The following PALD1 variants were observed in gnomAD, a reference collection of about 807,000 sequenced individuals.
PALD1 encodes the protein paladin.
A neutral mutation model predicts 96.0 loss-of-function variants in PALD1; 57 were observed. That is an observed-to-expected ratio of 0.59 (90% CI 0.48 to 0.74). PALD1 has a LOEUF of 0.74. Ranked by LOEUF, PALD1 falls within the 30% of genes least tolerant of loss-of-function variation. The pLI is 0.00. For synonymous variants in PALD1, 464 were observed against 473.6 expected (o/e 0.98, Z 0.26); for missense variants, 1,063 against 1,143.7 (o/e 0.93, Z 1.02).
intron 4 of PALD1, among the ~76,000 whole-genome samples, chr10:70,530,796 C>T (rs1224610066): frequency 1.3e-5 from 2 of 152,112 alleles, no homozygotes; most frequent in Non-Finnish European, 2.9e-5. Flanking sequence ...CTCAAGGGGA[C>T]CATCTGCCCA....
chr10:70,547,464 C>T lies in PALD1; in HGVS notation c.2262+18C>T. 1 of 1,511,442 alleles carries T rather than the reference C, an allele frequency of 6.6e-7. No individual in the cohort carries two copies. Among genetic ancestry groups the T allele is most frequent in the East Asian group, 2.4e-5 (1 of 42,108 alleles). 93.6% of individuals were successfully genotyped at this position (1,511,442 alleles called of 1,614,324 possible). ...ACCGCCAGGTGAGCCCCCACCCCAC[C>T]CCACCCCACCCTGCCCCAGCCACCC... On this transcript the variant is annotated intron_variant, in intron 18 of 19. Transcript: ENST00000263563.
At chr10:70,461,756 A>G in the PALD1 span, among the ~76,000 whole-genome samples, 1 of 152,012 alleles carries the variant, frequency 6.6e-6, no homozygotes, top group Non-Finnish European at 1.5e-5. Flanking sequence ...TGCTTTTTTG[A>G]GATTTACGAC....
rs138315292 is a variant in PALD1 at position 70,481,210 on chromosome 10, G to A, written c.-30+2151G>A. Among the ~76,000 whole-genome samples the A allele has an allele frequency of 4.8e-3, 734 of 152,328 alleles. 12 individuals carry two copies. The highest frequency in any genetic ancestry group is 0.033 in the East Asian group (171 of 5,192). The stretch of plus-strand genomic sequence containing the variant: ...AATGGAGTTGGCTGTGAGCTCCTGG[G>A]GGGCACAGACACATATGCTTGCCAG... On this transcript the variant is annotated intron_variant, in intron 1 of 19. Coordinates refer to ENST00000263563, the MANE Select transcript of PALD1 (RefSeq NM_014431.3).
At chr10:70,548,827 TG>T (rs1847421670) in intron 18 of PALD1, among the ~76,000 whole-genome samples, 1 of 152,130 alleles carries the variant, frequency 6.6e-6, no homozygotes, top group Non-Finnish European at 1.5e-5. Context: ...AAAGGGTGGA[TG>T]CCTAGCTGGA....
At chr10:70,461,341 A>T in the PALD1 span, among the ~76,000 whole-genome samples, 16 of 152,226 alleles carry the variant, frequency 1.1e-4, no homozygotes, top group African/African-American at 3.6e-4. Flanking sequence ...GGAGTACCCC[A>T]AGTACTTACT....
intron 2 of PALD1, among the ~76,000 whole-genome samples, chr10:70,528,022 C>T (rs761320936): frequency 2.0e-5 from 3 of 150,390 alleles, no homozygotes; most frequent in Admixed American, 6.7e-5. Context: ...TGAGTGAGAA[C>T]ATGCGGTGTT....
At chr10:70,551,935 G>A (rs972783823) in intron 18 of PALD1, among the ~76,000 whole-genome samples, 3 of 152,220 alleles carry the variant, frequency 2.0e-5, no homozygotes, top group South Asian at 2.1e-4. Flanking sequence ...CCAACTCAGC[G>A]ATGATTTTAC....
At chr10:70,533,600 G>T (rs887705500) in intron 7 of PALD1, among the ~76,000 whole-genome samples, 6 of 152,176 alleles carry the variant, frequency 3.9e-5, no homozygotes, top group African/African-American at 1.4e-4. Context: ...GACATTTCCT[G>T]AGTCCTGGCG....
At chr10:70,478,438 C>T (rs1845863669), upstream of PALD1, among the ~76,000 whole-genome samples, 2 of 152,202 alleles carry the variant, frequency 1.3e-5, no homozygotes, top group South Asian at 4.1e-4. Context: ...GGGTGTGGCG[C>T]CCAGAGCGCT....
At chr10:70,464,245 C>T in the PALD1 span, among the ~76,000 whole-genome samples, 3 of 143,122 alleles carry the variant, frequency 2.1e-5, no homozygotes, top group Non-Finnish European at 3.0e-5. Flanking sequence ...GAGTTTCACT[C>T]TTGTTGCCTA....
intron 18 of PALD1, among the ~76,000 whole-genome samples, chr10:70,549,909 C>G (rs1465731997): frequency 6.6e-6 from 1 of 152,180 alleles, no homozygotes; most frequent in African/African-American, 2.4e-5. Flanking sequence ...TTACCCGCTC[C>G]CACCAGGTCA....
At position 70,540,507 on chromosome 10, in the gene PALD1, T is replaced by C. The variant is rs548513571; in HGVS notation, c.1909-595T>C. 6.6e-6 allele frequency among the ~76,000 whole-genome samples: 1 copy of C among 152,106 alleles called. No individual in the cohort carries two copies. Among genetic ancestry groups the C allele is most frequent in the Admixed American group, 6.6e-5 (1 of 15,266 alleles). ...GACGTGGATCCCTGTGTGGTGCGTG[T>C]GTCTGGCGTGTGTTGTAGGTGAGCC... is the stretch of plus-strand genomic sequence containing the variant. On this transcript the variant is annotated intron_variant, in intron 15 of 19. Coordinates refer to ENST00000263563, the MANE Select transcript of PALD1 (RefSeq NM_014431.3). The surrounding 1 kb of genome is among the most constrained non-coding windows in gnomAD (Gnocchi z 4.2).
upstream of PALD1, among the ~76,000 whole-genome samples, chr10:70,474,471 G>A (rs1232355391): frequency 6.6e-6 from 1 of 152,192 alleles, no homozygotes; most frequent in East Asian, 1.9e-4. Context: ...TGAGGCAGGA[G>A]AATTGCTTGA....
chr10:70,462,344 T>C, the PALD1 span, among the ~76,000 whole-genome samples: 3 of 152,260 alleles, frequency 2.0e-5, no homozygotes, highest in African/African-American at 7.2e-5. Context: ...GCGAGTTTCT[T>C]AACTAATCTA....
At chr10:70,462,077 G>C in the PALD1 span, among the ~76,000 whole-genome samples, 1 of 152,226 alleles carries the variant, frequency 6.6e-6, no homozygotes, top group South Asian at 2.1e-4. Context: ...GCAGGTGTGA[G>C]CCACCACCCT....
intron 1 of PALD1, among the ~76,000 whole-genome samples, chr10:70,512,250 G>A (rs1463637708): frequency 6.6e-6 from 1 of 152,240 alleles, no homozygotes; most frequent in African/African-American, 2.4e-5. Context: ...GGGCAGCTGT[G>A]TGCTCAGCTG....
chr10:70,546,096 G>A (rs1230968152), intron 17 of PALD1, among the ~76,000 whole-genome samples: 1 of 152,048 alleles, frequency 6.6e-6, no homozygotes, highest in Non-Finnish European at 1.5e-5. Context: ...AATTAGCTGG[G>A]TGCGGTGGCA....
At chr10:70,489,297 C>G (rs1846064380) in intron 1 of PALD1, among the ~76,000 whole-genome samples, 1 of 152,192 alleles carries the variant, frequency 6.6e-6, no homozygotes, top group Non-Finnish European at 1.5e-5. Flanking sequence ...CCCAGGTGCT[C>G]TGAGTCTTAT....
chr10:70,481,970 G>C (rs576726201), intron 1 of PALD1, among the ~76,000 whole-genome samples: 1 of 152,328 alleles, frequency 6.6e-6, no homozygotes, highest in East Asian at 1.9e-4. Flanking sequence ...CCTCCTTGTG[G>C]GTTCAGTGGG....
Sources: gnomAD v4.1 joint callset for allele counts (sites outside exome capture counted in the v4.1 genomes callset) on GRCh38, gnomAD v4.1.1 for gene constraint, Gnocchi (gnomAD v3.1) non-coding constraint, MANE v1.5 for transcripts, NCBI Gene and HGNC (gene_info 2026-07-23, HGNC 2026-07-21) for gene names.